Variants in ST8SIA6 observed in about 807,000 individuals in gnomAD.
ST8SIA6 encodes the protein alpha-2,8-sialyltransferase 8F.
Under a neutral mutation model 33.6 loss-of-function variants are expected in ST8SIA6, and 39 were observed. The ratio of observed to expected loss-of-function variants is 1.16; its 90% CI spans 0.90 to 1.52. The LOEUF (loss-of-function observed/expected upper bound fraction) is 1.52, where lower values mean the gene tolerates loss of function less well. Among genes scored for constraint, ST8SIA6 ranks in the 40% most tolerant of loss-of-function variants. ST8SIA6 has a pLI of 0.00. For synonymous variants in ST8SIA6, 172 were observed against 167.2 expected (o/e 1.03, Z -0.22); for missense variants, 441 against 443.8 (o/e 0.99, Z 0.06).
At chr10:17,412,024 C>G (rs1316255702) in intron 2 of ST8SIA6, among the ~76,000 whole-genome samples, 2 of 152,020 alleles carry the variant, frequency 1.3e-5, no homozygotes, top group African/African-American at 4.8e-5. Context: ...TTAAGCCCCT[C>G]TCGCTGCACC....
intron 3 of ST8SIA6, among the ~76,000 whole-genome samples, chr10:17,369,765 C>A (rs953885371): frequency 2.0e-5 from 3 of 152,066 alleles, no homozygotes; most frequent in South Asian, 2.1e-4. Flanking sequence ...TAATGGATGA[C>A]CTTTATCATA....
At chr10:17,331,035 G>A (rs546245439) in intron 5 of ST8SIA6, among the ~76,000 whole-genome samples, 16 of 152,124 alleles carry the variant, frequency 1.1e-4, no homozygotes, top group Admixed American at 3.3e-4. Flanking sequence ...TAAACGCACC[G>A]TTCCTTGGGA....
At chr10:17,418,199 C>T (rs377151764) in intron 2 of ST8SIA6, among the ~76,000 whole-genome samples, 3 of 152,178 alleles carry the variant, frequency 2.0e-5, no homozygotes, top group African/African-American at 7.2e-5. Context: ...GCTGGGACTA[C>T]AGGCATGTGC....
rs1167708324 is a variant in ST8SIA6 at position 17,319,722 on chromosome 10, T to C, written c.*1156A>G. 1.3e-5 allele frequency among the ~76,000 whole-genome samples: 2 copies of C among 152,196 alleles called. No homozygotes were observed. Among genetic ancestry groups the C allele is most frequent in the Admixed American group, 6.5e-5 (1 of 15,278 alleles). Reference sequence around the variant, plus strand: ...ATGTCCTAACTATATGTAAGTTTTATTAAAATAGCATATAAAGTCCCCACA... The same window carrying C: ...ATGTCCTAACTATATGTAAGTTTTACTAAAATAGCATATAAAGTCCCCACA... On this transcript the variant is annotated 3_prime_UTR_variant, in exon 8 of 8. Transcript: ENST00000377602.
chr10:17,403,893 C>T (rs907762124), intron 2 of ST8SIA6, among the ~76,000 whole-genome samples: 1 of 151,754 alleles, frequency 6.6e-6, no homozygotes, highest in Non-Finnish European at 1.5e-5. Context: ...GAAACTCCGT[C>T]TCTACTGAAA....
At chr10:17,379,466 G>T (rs1000947653) in intron 3 of ST8SIA6, among the ~76,000 whole-genome samples, 8 of 152,276 alleles carry the variant, frequency 5.3e-5, no homozygotes, top group East Asian at 1.9e-4. Flanking sequence ...AATCACTAAG[G>T]AAAACTCAAG....
intron 2 of ST8SIA6, among the ~76,000 whole-genome samples, chr10:17,433,432 CAA>C (rs527821577): frequency 5.1e-4 from 78 of 152,278 alleles, no homozygotes; most frequent in African/African-American, 1.6e-3. Flanking sequence ...CCAATTAAAA[CAA>C]AGAGATACCA....
chr10:17,424,424 G>A (rs61842139), intron 2 of ST8SIA6, among the ~76,000 whole-genome samples: 5,934 of 152,136 alleles, frequency 0.039, 165 homozygotes, highest in South Asian at 0.056. Context: ...TTCTGTTGTT[G>A]CATCATTGTC....
intron 2 of ST8SIA6, among the ~76,000 whole-genome samples, chr10:17,435,089 C>T (rs572734232): frequency 1.3e-5 from 2 of 152,172 alleles, no homozygotes; most frequent in African/African-American, 2.4e-5. Context: ...GCTGACCATG[C>T]GTGGCTTATT....
At chr10:17,408,945 T>C (rs990927917) in intron 2 of ST8SIA6, among the ~76,000 whole-genome samples, 22 of 150,766 alleles carry the variant, frequency 1.5e-4, no homozygotes, top group Non-Finnish European at 2.4e-4. Context: ...TCTTTCTTTT[T>C]TTTTTTTTTG....
intron 5 of ST8SIA6, among the ~76,000 whole-genome samples, chr10:17,328,063 G>GA (rs1199222471): frequency 6.6e-6 from 1 of 151,880 alleles, no homozygotes; most frequent in Non-Finnish European, 1.5e-5. Context: ...CATAATTAAG[G>GA]AAAAAAATTA....
At chr10:17,366,001 T>C (rs1408081128) in intron 3 of ST8SIA6, among the ~76,000 whole-genome samples, 1 of 152,122 alleles carries the variant, frequency 6.6e-6, no homozygotes, top group Non-Finnish European at 1.5e-5. Flanking sequence ...CTTGAAAAAA[T>C]TCTGCAAACG....
chr10:17,350,349 T>C (rs1848988796), intron 4 of ST8SIA6, among the ~76,000 whole-genome samples: 1 of 151,964 alleles, frequency 6.6e-6, no homozygotes, highest in Non-Finnish European at 1.5e-5. Context: ...GCTGACATAC[T>C]GTGATTTTAG....
intron 3 of ST8SIA6, among the ~76,000 whole-genome samples, chr10:17,376,305 G>A (rs1466865191): frequency 3.3e-5 from 5 of 152,150 alleles, no homozygotes; most frequent in Admixed American, 3.3e-4. Flanking sequence ...AGCCACCCAG[G>A]AGCGTTGCCT....
intron 2 of ST8SIA6, among the ~76,000 whole-genome samples, chr10:17,398,930 C>T (rs1040339630): frequency 6.6e-6 from 1 of 152,136 alleles, no homozygotes; most frequent in Non-Finnish European, 1.5e-5. Flanking sequence ...ATGTAGCCAC[C>T]GCCCCTGCAA....
rs540919122 is a variant in ST8SIA6 at position 17,434,947 on chromosome 10, T to C, written c.200+18612A>G. Among the ~76,000 whole-genome samples, 52 of 152,244 alleles carry C rather than the reference T, an allele frequency of 3.4e-4. No homozygotes were observed. In the South Asian group the frequency reaches 0.011, roughly 31 times the overall value. ...AGACTCTCCGACCCACCCACACAGA[T>C]TGGGGCAGCTCCAAGCTCCCAGATT... On this transcript the variant is annotated intron_variant, in intron 2 of 7. Coordinates refer to ENST00000377602, the MANE Select transcript of ST8SIA6 (RefSeq NM_001004470.3).
intron 3 of ST8SIA6, among the ~76,000 whole-genome samples, chr10:17,372,299 C>T (rs1384222535): frequency 6.6e-6 from 1 of 152,186 alleles, no homozygotes; most frequent in Non-Finnish European, 1.5e-5. Context: ...ACGTGTGTTA[C>T]TATTTTGGAG....
In ST8SIA6 at chr10:17,404,638, G is replaced by C. The variant is rs577971101; in HGVS notation, c.201-14018C>G. 6.0e-4 allele frequency among the ~76,000 whole-genome samples: 91 copies of C among 152,070 alleles called. 1 individual carries two copies. Among genetic ancestry groups the C allele is most frequent in the Non-Finnish European group, 1.2e-3 (79 of 68,016 alleles). On this transcript the variant is annotated intron_variant, in intron 2 of 7. Transcript: ENST00000377602. ...CCCTAGGTGATGTCTGATCACCCTA[G>C]TCAGCCTTACCCAGAATTGCACCTT...
Position 17,318,595 on chromosome 10 carries a change from A to G in ST8SIA6, c.*2283T>C. On this transcript the variant is annotated 3_prime_UTR_variant, in exon 8 of 8. Coordinates refer to ENST00000377602, the MANE Select transcript of ST8SIA6 (RefSeq NM_001004470.3). Reference sequence around the variant, plus strand: ...TTAGATGTACTTGAGTTTTAAGAGCAGAAGATCACATTAGATCTAACAATA... The same window carrying G: ...TTAGATGTACTTGAGTTTTAAGAGCGGAAGATCACATTAGATCTAACAATA... 2.2e-6 allele frequency: 1 copy of G among 447,606 alleles called. No homozygotes were observed. Among genetic ancestry groups the G allele is most frequent in the South Asian group, 1.7e-5 (1 of 59,568 alleles). 27.7% of individuals were successfully genotyped at this position (447,606 alleles called of 1,614,324 possible). A position where few individuals can be genotyped will look rare whatever the true frequency, so the allele number is the denominator to read the frequency against.
Sources: allele counts gnomAD v4.1 joint callset (sites outside exome capture counted in the v4.1 genomes callset), GRCh38; gene constraint gnomAD v4.1.1; transcripts MANE v1.5; gene names NCBI Gene and HGNC (gene_info 2026-07-23, HGNC 2026-07-21).